Variants in SF3A3 observed in about 807,000 individuals in gnomAD.
The protein encoded by SF3A3 is splicing factor 3a subunit 3, also known as SAP 61.
SF3A3 carries 9 observed loss-of-function variants against 85.8 expected under a neutral mutation model. The ratio of observed to expected loss-of-function variants is 0.10; its 90% CI spans 0.06 to 0.18. The LOEUF is 0.18. Among genes scored for constraint, SF3A3 ranks in the 10% least tolerant of loss-of-function variants. The pLI is 1.00. For synonymous variants in SF3A3, 195 were observed against 204.4 expected, an observed-to-expected ratio of 0.95 and a Z score of 0.39; for missense variants, 306 against 593.3, an observed-to-expected ratio of 0.52 and a Z score of 5.03.
intron 12 of SF3A3, among the ~76,000 whole-genome samples, chr1:37,975,659 A>C (rs956057983): frequency 1.3e-5 from 2 of 152,204 alleles, no homozygotes; most frequent in Admixed American, 6.6e-5. Context: ...TATCTCTCCA[A>C]TGTCCAATGT....
intron 15 of SF3A3, 106 bp from the exon 16 acceptor site, chr1:37,960,281 TG>T (rs1411765978): frequency 9.5e-7 from 1 of 1,056,578 alleles, no homozygotes; most frequent in Non-Finnish European, 1.4e-6. Flanking sequence ...TAGAAGACTC[TG>T]CCTTTGAGAT....
At chr1:37,961,322 T>C (rs1017553184) in intron 15 of SF3A3, among the ~76,000 whole-genome samples, 16 of 152,154 alleles carry the variant, frequency 1.1e-4, no homozygotes, top group Non-Finnish European at 2.2e-4. Flanking sequence ...CAGTGGCTCA[T>C]GCCTGTAATC....
chr1:37,988,490 C>A (rs771250250), intron 2 of SF3A3, among the ~76,000 whole-genome samples: 76 of 152,166 alleles, frequency 5.0e-4, no homozygotes, highest in Non-Finnish European at 9.0e-4. Flanking sequence ...AAAAGCCTAT[C>A]ACAGGTTCGG....
chr1:37,959,974 AAAAAG>A, intron 16 of SF3A3, 141 bp downstream of exon 16: 1 of 610,330 alleles, frequency 1.6e-6, no homozygotes, highest in Non-Finnish European at 2.8e-6. Flanking sequence ...AAAAAAAAAA[AAAAAG>A]GAAAAGTCAA....
At chr1:37,986,068 C>A (rs1646454522) in intron 4 of SF3A3, among the ~76,000 whole-genome samples, 1 of 151,424 alleles carries the variant, frequency 6.6e-6, no homozygotes, top group African/African-American at 2.4e-5. Context: ...CCTGTCTCAG[C>A]CTCATGAGAA....
At position 37,968,090 on chromosome 1, in the gene SF3A3, G is replaced by A. The variant is rs59294668; in HGVS notation, c.1326C>T (p.Asn442=). The A allele has an allele frequency of 2.4e-3, 3,896 of 1,613,370 alleles. 95 individuals carry two copies. In the African/African-American group the frequency reaches 0.046, roughly 19 times the overall value. Residue 442 remains asparagine, a synonymous_variant, in exon 15 of 17, where the codon AAC becomes AAT. Coordinates refer to ENST00000373019, the MANE Select transcript of SF3A3 (RefSeq NM_006802.4). ...AHGMRCLGIP[N]TAHFANVTQI... ...GTGTCACATTAGCAAAGTGAGCAGT[G>A]TTTGGGATGCCCAAACACCTCATGC...
At chr1:37,974,066 C>T (rs1389335198) in intron 12 of SF3A3, among the ~76,000 whole-genome samples, 2 of 151,888 alleles carry the variant, frequency 1.3e-5, no homozygotes, top group East Asian at 3.9e-4. Context: ...GAACATCACA[C>T]ATCGGGACCT....
At position 37,988,838 on chromosome 1, in the gene SF3A3, C is replaced by T. The variant is rs145501095; in HGVS notation, c.144+710G>A. 7.6e-4 allele frequency among the ~76,000 whole-genome samples: 115 copies of T among 151,528 alleles called. 1 individual carries two copies. The South Asian group carries it at 0.01, about 14-fold the overall frequency. ...TTAAAGTAGTATCCTGGGAGAAAAA[C>T]ACTAACATACGGGGTGTGTTGTGTG... is the stretch of plus-strand genomic sequence containing the variant. On this transcript the variant is annotated intron_variant, in intron 2 of 16. Coordinates refer to ENST00000373019, the MANE Select transcript of SF3A3 (RefSeq NM_006802.4).
Position 37,983,256 on chromosome 1 carries a change from T to TAAA in SF3A3, c.468+910_468+912dup, listed in dbSNP as rs71057113. ...TCCAGCCAGGAACATGGTATTTATT[T>TAAA]AAAAAAAAAAAAAAAAAAAAAAGAA... is the stretch of plus-strand genomic sequence containing the variant. On this transcript the variant is annotated intron_variant, in intron 6 of 16. Transcript: ENST00000373019. 5.8e-5 allele frequency among the ~76,000 whole-genome samples: 7 copies of TAAA among 121,492 alleles called. 1 individual carries two copies. The South Asian group carries it at 1.1e-3, about 18-fold the overall frequency. 79.7% of individuals were successfully genotyped at this position (121,492 alleles called of 152,430 possible).
intron 4 of SF3A3, among the ~76,000 whole-genome samples, chr1:37,986,137 G>C (rs577701844): frequency 1.3e-5 from 2 of 151,826 alleles, no homozygotes; most frequent in Non-Finnish European, 2.9e-5. Context: ...TTAGTAGAGA[G>C]AGGTTTCACC....
chr1:37,976,808 G>T lies in SF3A3; in HGVS notation c.1005+76C>A, dbSNP rs530859034. On this transcript the variant is annotated intron_variant, in intron 12 of 16. Coordinates refer to ENST00000373019, the MANE Select transcript of SF3A3 (RefSeq NM_006802.4). ...CTCCTCTTTTGAACCTAATGAAAAA[G>T]TATCTTCTGTGAGTTCCTCTCCCTT... 5.3e-6 allele frequency: 5 copies of T among 935,916 alleles called. No individual in the cohort carries two copies. The African/African-American group carries it at 8.2e-5, about 15-fold the overall frequency. 58.0% of individuals were successfully genotyped at this position (935,916 alleles called of 1,614,324 possible).
At chr1:37,962,823 C>T (rs1041360560) in intron 15 of SF3A3, among the ~76,000 whole-genome samples, 1 of 150,200 alleles carries the variant, frequency 6.7e-6, no homozygotes, top group African/African-American at 2.4e-5. Context: ...CGGTGGCTCA[C>T]GCCTGTAATC....
At chr1:37,969,072 C>T (rs185275156) in intron 14 of SF3A3, among the ~76,000 whole-genome samples, 2 of 152,248 alleles carry the variant, frequency 1.3e-5, no homozygotes, top group Non-Finnish European at 2.9e-5. Context: ...GTCTAAAATG[C>T]TAGCAGAAAG....
intron 4 of SF3A3, among the ~76,000 whole-genome samples, chr1:37,985,365 T>TGC (rs1214490551): frequency 1.3e-5 from 2 of 152,326 alleles, no homozygotes; most frequent in African/African-American, 4.8e-5. Context: ...GCTTTTGCTA[T>TGC]GCCAGTGGTT....
intron 14 of SF3A3, among the ~76,000 whole-genome samples, chr1:37,968,706 TG>T (rs1483739115): frequency 6.6e-6 from 1 of 152,156 alleles, no homozygotes; most frequent in Non-Finnish European, 1.5e-5. Flanking sequence ...AACTCACTCA[TG>T]GGCTCAGCAA....
chr1:37,977,572 C>T (rs1389802661), intron 11 of SF3A3, among the ~76,000 whole-genome samples: 1 of 152,016 alleles, frequency 6.6e-6, no homozygotes, highest in Non-Finnish European at 1.5e-5. Context: ...CACGGTGGCT[C>T]ACATGCCTGT....
chr1:37,981,894 A>G, intron 6 of SF3A3, 83 bp from the exon 7 acceptor site: 1 of 813,878 alleles, frequency 1.2e-6, no homozygotes, highest in East Asian at 2.7e-5. Flanking sequence ...AATAAGTGAG[A>G]TCAAAATTGA....
Position 37,964,468 on chromosome 1 carries a change from G to A in SF3A3, c.1372+3576C>T, listed in dbSNP as rs142426675. On this transcript the variant is annotated intron_variant, in intron 15 of 16. Transcript: ENST00000373019. ...AAAAATACAAAAAAATTAGCCAGGC[G>A]TGGTGGCGAGCGCCTGTAATTCCAG... Among the ~76,000 whole-genome samples, 1,198 of 152,090 alleles carry A rather than the reference G, an allele frequency of 7.9e-3. 6 individuals carry two copies. Among genetic ancestry groups the A allele is most frequent in the Non-Finnish European group, 0.013 (887 of 68,006 alleles).
intron 11 of SF3A3, among the ~76,000 whole-genome samples, chr1:37,978,319 A>G (rs1319505529): frequency 6.6e-6 from 1 of 151,606 alleles, no homozygotes; most frequent in Non-Finnish European, 1.5e-5. Context: ...AGCTTGGGCA[A>G]CAGAGTGAGA....
Sources: gnomAD v4.1 joint callset for allele counts (sites outside exome capture counted in the v4.1 genomes callset) on GRCh38, gnomAD v4.1.1 for gene constraint, MANE v1.5 for transcripts, NCBI Gene and HGNC (gene_info 2026-07-23, HGNC 2026-07-21) for gene names.